The following RBM19 variants were observed in gnomAD, a reference collection of about 807,000 sequenced individuals.
The protein encoded by RBM19 is RNA binding motif protein 19, also known as probable RNA-binding protein 19.
Under a neutral mutation model 116.8 loss-of-function variants are expected in RBM19, and 94 were observed. That is an observed-to-expected ratio of 0.80 (90% CI 0.68 to 0.95). The LOEUF is 0.95. Among genes scored for constraint, RBM19 ranks in the 40% least tolerant of loss-of-function variants. The probability of loss-of-function intolerance (pLI) is 0.00; values close to 1 mark genes in which losing one functional copy is unlikely to be tolerated. For synonymous variants in RBM19, 475 were observed against 494.1 expected (o/e 0.96, Z 0.51); for missense variants, 1,161 against 1,220.7 (o/e 0.95, Z 0.73).
chr12:113,872,949 C>T (rs1304730291), intron 21 of RBM19, among the ~76,000 whole-genome samples: 25 of 104,508 alleles, frequency 2.4e-4, no homozygotes, highest in Middle Eastern at 7.9e-3. Context: ...CCCCCCCGCC[C>T]GGCCAGCCGC....
chr12:113,911,442 G>T lies in RBM19; in HGVS notation c.2558+3527C>A, dbSNP rs564924016. 8.9e-4 allele frequency among the ~76,000 whole-genome samples: 136 copies of T among 152,254 alleles called. 1 individual carries two copies. Among genetic ancestry groups the T allele is most frequent in the African/African-American group, 3.2e-3 (132 of 41,552 alleles). On this transcript the variant is annotated intron_variant, in intron 21 of 23. Transcript: ENST00000261741. ...GAAAACGCTGCCCAGGACCTTCAAG[G>T]CTTCAGCACTGCCGTTGTGGACCTG...
rs1882706536 is a variant in RBM19 at position 113,915,289 on chromosome 12, C to T, written c.2442-204G>A. On this transcript the variant is annotated intron_variant, in intron 20 of 23. Transcript: ENST00000261741. ...AACAGCTGCAGACGTCAGGGGGACA[C>T]ATCCGTGCTTGGGTGGCTGCTGACC... 1.3e-5 allele frequency among the ~76,000 whole-genome samples: 2 copies of T among 152,294 alleles called. 1 individual carries two copies.
intron 21 of RBM19, among the ~76,000 whole-genome samples, chr12:113,896,358 A>T (rs955696710): frequency 6.6e-6 from 1 of 152,172 alleles, no homozygotes; most frequent in Non-Finnish European, 1.5e-5. Flanking sequence ...TTAGAGCTCC[A>T]GGGAATTTCT....
intron 22 of RBM19, 52 bp from the exon 23 acceptor site, chr12:113,844,840 A>C (rs1372412300): frequency 3.3e-6 from 5 of 1,526,326 alleles, no homozygotes; most frequent in Admixed American, 3.9e-5. Flanking sequence ...AGTGCGGCAG[A>C]CACTCCACTC....
intron 21 of RBM19, among the ~76,000 whole-genome samples, chr12:113,900,691 A>G (rs771377163): frequency 4.3e-4 from 66 of 152,162 alleles, no homozygotes; most frequent in Non-Finnish European, 7.2e-4. Flanking sequence ...CTGATGAAGG[A>G]GGAGGAAGGA....
chr12:113,871,198 C>T (rs1218900571), intron 21 of RBM19, among the ~76,000 whole-genome samples: 2 of 152,254 alleles, frequency 1.3e-5, no homozygotes, highest in Admixed American at 1.3e-4. Flanking sequence ...AAGAAAAGAG[C>T]CCCTGGCAAA....
At chr12:113,887,646 AAAAAAG>A (rs1182538957) in intron 21 of RBM19, among the ~76,000 whole-genome samples, 175 of 149,662 alleles carry the variant, frequency 1.2e-3, no homozygotes, top group Non-Finnish European at 2.1e-3. Flanking sequence ...AAAAAAAAAA[AAAAAAG>A]AAAAAAGAAA....
chr12:113,894,585 C>T (rs1365831730), intron 21 of RBM19, among the ~76,000 whole-genome samples: 1 of 152,156 alleles, frequency 6.6e-6, no homozygotes, highest in East Asian at 1.9e-4. Context: ...ACTCCTCAGA[C>T]TGGGGGTTGC....
At chr12:113,933,996 A>T (rs1039509317) in intron 16 of RBM19, among the ~76,000 whole-genome samples, 2 of 152,330 alleles carry the variant, frequency 1.3e-5, no homozygotes, top group Non-Finnish European at 2.9e-5. Context: ...TCTGTCACCC[A>T]GGCTGAGTGT....
At chr12:113,946,879 A>G (rs1871072178) in intron 11 of RBM19, among the ~76,000 whole-genome samples, 1 of 152,268 alleles carries the variant, frequency 6.6e-6, no homozygotes, top group Non-Finnish European at 1.5e-5. Context: ...GAGAAAAGGA[A>G]AAAGGGTGAT....
intron 16 of RBM19, among the ~76,000 whole-genome samples, chr12:113,930,000 G>A (rs965503240): frequency 3.3e-5 from 5 of 152,248 alleles, no homozygotes; most frequent in Admixed American, 1.3e-4. Context: ...GCCAATTGAC[G>A]GAAAGGTCAA....
intron 23 of RBM19, among the ~76,000 whole-genome samples, chr12:113,842,082 G>GT (rs1876535383): frequency 6.6e-6 from 1 of 152,238 alleles, no homozygotes; most frequent in African/African-American, 2.4e-5. Context: ...CTTTGTTACT[G>GT]TTATCATTCT....
At chr12:113,866,482 C>G (rs1027993959) in intron 21 of RBM19, among the ~76,000 whole-genome samples, 6 of 152,224 alleles carry the variant, frequency 3.9e-5, no homozygotes, top group Non-Finnish European at 8.8e-5. Context: ...ATGGAACCCA[C>G]AGACTCTCCT....
chr12:113,827,462 C>T (rs1404751919), intron 23 of RBM19, among the ~76,000 whole-genome samples: 1 of 145,214 alleles, frequency 6.9e-6, no homozygotes, highest in Non-Finnish European at 1.5e-5. Context: ...GCGCTGTCGG[C>T]CCTGCATGGG....
At chr12:113,960,274 T>G in intron 2 of RBM19, 96 bp from the exon 3 acceptor site, 1 of 1,537,484 alleles carries the variant, frequency 6.5e-7, no homozygotes, top group Non-Finnish European at 8.9e-7. Context: ...TTCAGACAAC[T>G]GTCACTGCCT....
chr12:113,834,583 G>A (rs929878520), intron 23 of RBM19, among the ~76,000 whole-genome samples: 6 of 152,168 alleles, frequency 3.9e-5, no homozygotes, highest in Non-Finnish European at 8.8e-5. Flanking sequence ...AGCCCTAGAC[G>A]ATATATGAAC....
chr12:113,961,045 C>G (rs1872454966), intron 2 of RBM19, among the ~76,000 whole-genome samples: 1 of 152,210 alleles, frequency 6.6e-6, no homozygotes, highest in Non-Finnish European at 1.5e-5. Flanking sequence ...TTTTAAGACA[C>G]AGGGTCTCAC....
intron 21 of RBM19, among the ~76,000 whole-genome samples, chr12:113,899,304 T>C (rs1215032877): frequency 2.6e-5 from 4 of 152,192 alleles, no homozygotes; most frequent in African/African-American, 7.2e-5. Context: ...CCCGAGTGTA[T>C]TACTGAAGTC....
At chr12:113,892,818 GAAGA>G (rs1475892130) in intron 21 of RBM19, among the ~76,000 whole-genome samples, 2 of 152,082 alleles carry the variant, frequency 1.3e-5, no homozygotes, top group Admixed American at 1.3e-4. Flanking sequence ...GTCTTATTTT[GAAGA>G]AATATTTTTT....
Sources: gnomAD v4.1 joint callset for allele counts (sites outside exome capture counted in the v4.1 genomes callset) on GRCh38, gnomAD v4.1.1 for gene constraint, MANE v1.5 for transcripts, NCBI Gene and HGNC (gene_info 2026-07-23, HGNC 2026-07-21) for gene names.